The following CNTNAP5 variants were observed in gnomAD, a reference collection of about 807,000 sequenced individuals.
CNTNAP5 encodes the protein contactin-associated protein-like 5.
CNTNAP5 carries 72 observed loss-of-function variants against 150.2 expected under a neutral mutation model. The observed-to-expected ratio is 0.48, with a 90% CI of 0.40 to 0.58. CNTNAP5 has a LOEUF of 0.58. Among genes scored for constraint, CNTNAP5 ranks in the 20% least tolerant of loss-of-function variants. The pLI is 0.00. For missense variants in CNTNAP5, 1,636 were observed against 1,626.2 expected (o/e 1.01, Z -0.10); for synonymous variants, 672 against 619.8 (o/e 1.08, Z -1.25).
At chr2:124,585,162 C>G (rs2104953092) in intron 11 of CNTNAP5, among the ~76,000 whole-genome samples, 1 of 152,292 alleles carries the variant, frequency 6.6e-6, no homozygotes, top group Middle Eastern at 3.4e-3. Flanking sequence ...ATGGCTGGTA[C>G]ATGAAGCTGT....
At chr2:124,737,584 A>G (rs1051519731) in intron 13 of CNTNAP5, among the ~76,000 whole-genome samples, 2 of 152,150 alleles carry the variant, frequency 1.3e-5, no homozygotes, top group African/African-American at 4.8e-5. Context: ...CCATGGCGAG[A>G]AGGTGGGATT....
At chr2:124,869,133 T>A (rs10172182) in intron 20 of CNTNAP5, among the ~76,000 whole-genome samples, 10,337 of 152,182 alleles carry the variant, frequency 0.068, 1,130 homozygotes, top group African/African-American at 0.23. Context: ...TGCAGCTAAC[T>A]GTTCAGCTGC....
intron 19 of CNTNAP5, among the ~76,000 whole-genome samples, chr2:124,834,737 A>C (rs192703870): frequency 6.6e-6 from 1 of 152,082 alleles, no homozygotes; most frequent in Admixed American, 6.6e-5. Flanking sequence ...CTGCATCCTC[A>C]ACACCTTCCT....
At chr2:124,615,089 A>G (rs1484493880) in intron 12 of CNTNAP5, among the ~76,000 whole-genome samples, 1 of 152,158 alleles carries the variant, frequency 6.6e-6, no homozygotes, top group Non-Finnish European at 1.5e-5. Context: ...AGACCCCATC[A>G]TTTTTGCTGG....
Position 124,660,088 on chromosome 2 carries a change from GAGAT to G in CNTNAP5, c.2077+12133_2077+12136del, listed in dbSNP as rs1374930497. ...GAAGGAAGGAAGGAAGGAAGGGAGG[GAGAT>G]AGGAAGGAAGATGGAGATCTTTCTA... On this transcript the variant is annotated intron_variant, in intron 13 of 23. Coordinates refer to ENST00000682447, the MANE Select transcript of CNTNAP5 (RefSeq NM_001367498.1). Among the ~76,000 whole-genome samples, 6 of 143,560 alleles carry G rather than the reference GAGAT, an allele frequency of 4.2e-5. No homozygotes were observed. The South Asian group carries it at 6.4e-4, about 15-fold the overall frequency. The allele number at this position is 143,560 out of a possible 152,430, so 94.2% of individuals were successfully genotyped here. A position where few individuals can be genotyped will look rare whatever the true frequency, so the allele number is the denominator to read the frequency against.
At chr2:124,577,888 C>T (rs983669372) in intron 11 of CNTNAP5, among the ~76,000 whole-genome samples, 7 of 151,778 alleles carry the variant, frequency 4.6e-5, no homozygotes, top group African/African-American at 1.2e-4. Context: ...TTGAATAGTT[C>T]GGGGATTCTT....
intron 1 of CNTNAP5, among the ~76,000 whole-genome samples, chr2:124,105,547 CA>C (rs1683155076): frequency 6.6e-6 from 1 of 152,126 alleles, no homozygotes; most frequent in Non-Finnish European, 1.5e-5. Flanking sequence ...TAATAAAAAA[CA>C]ATATCTTGGA....
At chr2:124,700,988 AT>A (rs577696364) in intron 13 of CNTNAP5, among the ~76,000 whole-genome samples, 2 of 151,710 alleles carry the variant, frequency 1.3e-5, no homozygotes, top group East Asian at 1.9e-4. Flanking sequence ...ATAGTTACGC[AT>A]TTTTTTTGTT....
chr2:124,812,725 G>T (rs185575706), intron 19 of CNTNAP5, among the ~76,000 whole-genome samples: 1 of 152,198 alleles, frequency 6.6e-6, no homozygotes, highest in East Asian at 1.9e-4. Flanking sequence ...CCATCTTTGA[G>T]TTGTCTTGCC....
intron 19 of CNTNAP5, among the ~76,000 whole-genome samples, chr2:124,804,241 C>G (rs945210006): frequency 1.3e-5 from 2 of 152,136 alleles, no homozygotes; most frequent in African/African-American, 2.4e-5. Flanking sequence ...TCACTTTCTC[C>G]TAGGGAAGGT....
chr2:124,836,732 G>T (rs1335275138), intron 19 of CNTNAP5, among the ~76,000 whole-genome samples: 1 of 151,994 alleles, frequency 6.6e-6, no homozygotes, highest in South Asian at 2.1e-4. Flanking sequence ...TATGCCCCGG[G>T]TTGTTTTAAG....
chr2:124,517,263 G>A (rs1558936372), intron 8 of CNTNAP5, among the ~76,000 whole-genome samples: 1 of 150,810 alleles, frequency 6.6e-6, no homozygotes, highest in Non-Finnish European at 1.5e-5. Flanking sequence ...TGGTGATGAG[G>A]TGTGGTGGTG....
chr2:124,155,122 T>G (rs1684495283), intron 1 of CNTNAP5, among the ~76,000 whole-genome samples: 1 of 151,676 alleles, frequency 6.6e-6, no homozygotes, highest in Non-Finnish European at 1.5e-5. Flanking sequence ...GTTCCAATTT[T>G]TTTTCCTTAC....
chr2:124,168,681 T>C (rs1684861305), intron 1 of CNTNAP5, among the ~76,000 whole-genome samples: 1 of 152,228 alleles, frequency 6.6e-6, no homozygotes, highest in African/African-American at 2.4e-5. Context: ...GCACCATTTA[T>C]ATTTTAAGAC....
At chr2:124,811,738 C>T (rs534868232) in intron 19 of CNTNAP5, among the ~76,000 whole-genome samples, 294 of 148,920 alleles carry the variant, frequency 2.0e-3, no homozygotes, top group Admixed American at 3.8e-3. Context: ...ATCAGGAGTT[C>T]GAGACCAGCC....
intron 5 of CNTNAP5, among the ~76,000 whole-genome samples, chr2:124,435,386 C>T (rs1243702944): frequency 7.2e-5 from 11 of 151,940 alleles, no homozygotes; most frequent in African/African-American, 2.7e-4. Context: ...GGCCCAGCCT[C>T]CTGTACATGA....
intron 1 of CNTNAP5, among the ~76,000 whole-genome samples, chr2:124,041,517 T>C (rs2104631910): frequency 6.6e-6 from 1 of 152,302 alleles, no homozygotes; most frequent in South Asian, 2.1e-4. Context: ...AGCAAACATA[T>C]ACACTTACTG....
At chr2:124,132,336 G>T (rs1381940974) in intron 1 of CNTNAP5, among the ~76,000 whole-genome samples, 3 of 152,158 alleles carry the variant, frequency 2.0e-5, no homozygotes, top group Non-Finnish European at 1.5e-5. Flanking sequence ...TTAATGGTCT[G>T]TATTATTGTA....
chr2:124,216,515 A>G (rs972927399), intron 1 of CNTNAP5, among the ~76,000 whole-genome samples: 7 of 152,002 alleles, frequency 4.6e-5, no homozygotes, highest in Non-Finnish European at 8.8e-5. Context: ...CATTAGGTAT[A>G]TCTCCTAATG....
Sources: allele counts gnomAD v4.1 joint callset (sites outside exome capture counted in the v4.1 genomes callset), GRCh38; gene constraint gnomAD v4.1.1; transcripts MANE v1.5; gene names NCBI Gene and HGNC (gene_info 2026-07-23, HGNC 2026-07-21).